Variants in B3GLCT observed in about 807,000 individuals in gnomAD.
B3GLCT encodes the protein beta-1,3-glucosyltransferase.
A neutral mutation model predicts 63.4 loss-of-function variants in B3GLCT; 65 were observed. The ratio of observed to expected loss-of-function variants is 1.03; its 90% CI spans 0.84 to 1.26. The LOEUF is 1.26. B3GLCT is among the 50% of genes most tolerant of loss of function. The pLI, the probability that B3GLCT is intolerant of heterozygous loss-of-function variation, is 0.00. For synonymous variants in B3GLCT, 233 were observed against 219.2 expected, an observed-to-expected ratio of 1.06 and a Z score of -0.55; for missense variants, 577 against 604.8, an observed-to-expected ratio of 0.95 and a Z score of 0.48.
At chr13:31,260,838 C>CT (rs1206130762) in intron 6 of B3GLCT, 108 bp from the exon 7 acceptor site, 6 of 1,054,090 alleles carry the variant, frequency 5.7e-6, no homozygotes, top group Non-Finnish European at 7.2e-6. Flanking sequence ...GCTAATAACT[C>CT]TTTATCACCC....
intron 14 of B3GLCT, among the ~76,000 whole-genome samples, chr13:31,324,700 A>G (rs543496985): frequency 7.2e-5 from 11 of 152,270 alleles, no homozygotes; most frequent in Admixed American, 4.6e-4. Flanking sequence ...TATTGAAAAT[A>G]CTTTTTTTAT....
At chr13:31,299,026 A>G (rs1251642204) in intron 12 of B3GLCT, among the ~76,000 whole-genome samples, 1 of 152,214 alleles carries the variant, frequency 6.6e-6, no homozygotes, top group Non-Finnish European at 1.5e-5. Flanking sequence ...GATCTGATTT[A>G]GGGAAGAAAG....
At position 31,323,734 on chromosome 13, in the gene B3GLCT, G is replaced by C; in HGVS notation, c.1185-17G>C. The C allele has an allele frequency of 5.0e-6, 8 of 1,613,984 alleles. No homozygotes were observed. Among genetic ancestry groups the C allele is most frequent in the Non-Finnish European group, 6.8e-6 (8 of 1,179,972 alleles). On this transcript the variant is annotated splice_polypyrimidine_tract_variant and intron_variant, in intron 13 of 14. Transcript: ENST00000343307. ...TGGAGCTTCTCTAACCCCTTTCTCT[G>C]CTCTGGCTCCCACTAGAATGGTCTT...
intron 8 of B3GLCT, among the ~76,000 whole-genome samples, chr13:31,272,995 CTTTG>C (rs1289646825): frequency 1.3e-5 from 2 of 152,080 alleles, no homozygotes; most frequent in African/African-American, 4.8e-5. Flanking sequence ...TTTATTTCAA[CTTTG>C]TTTTTGAAGC....
At chr13:31,251,151 A>T (rs553764082) in intron 6 of B3GLCT, among the ~76,000 whole-genome samples, 2 of 152,098 alleles carry the variant, frequency 1.3e-5, no homozygotes, top group East Asian at 3.9e-4. Flanking sequence ...ACTAATAAAC[A>T]GAAAGGAATA....
At chr13:31,243,796 A>G (rs1428870650) in intron 4 of B3GLCT, among the ~76,000 whole-genome samples, 1 of 152,268 alleles carries the variant, frequency 6.6e-6, no homozygotes, top group African/African-American at 2.4e-5. Flanking sequence ...CCTGTCTTCA[A>G]AGTGATTATG....
chr13:31,215,338 C>T (rs189262144), intron 2 of B3GLCT, among the ~76,000 whole-genome samples: 125 of 152,226 alleles, frequency 8.2e-4, no homozygotes, highest in Non-Finnish European at 1.5e-3. Context: ...TGAGAAAAAA[C>T]GTGTTTTGAC....
At chr13:31,319,109 C>A (rs115849379) in intron 13 of B3GLCT, among the ~76,000 whole-genome samples, 1 of 152,188 alleles carries the variant, frequency 6.6e-6, no homozygotes, top group African/African-American at 2.4e-5. Flanking sequence ...CCCTTCCCCA[C>A]AGGACCTCAC....
rs749843756 is a variant in B3GLCT at position 31,323,823 on chromosome 13, C to T, written c.1257C>T (p.Pro419=). 15 of 1,614,136 alleles carry T rather than the reference C, an allele frequency of 9.3e-6. No homozygotes were observed. Among genetic ancestry groups the T allele is most frequent in the East Asian group, 8.9e-5 (4 of 44,880 alleles). Residue 419 remains proline, a synonymous_variant, in exon 14 of 15, where the codon CCC becomes CCT. Coordinates refer to ENST00000343307, the MANE Select transcript of B3GLCT (RefSeq NM_194318.4). ...SKCRCYSNDA[P]DDMVLGMCFS... ...GTCGATGCTACAGCAATGATGCTCC[C>T]GATGATATGGTCCTGGGAATGTGCT...
chr13:31,270,514 G>A (rs1214668749), intron 8 of B3GLCT, among the ~76,000 whole-genome samples: 3 of 152,140 alleles, frequency 2.0e-5, no homozygotes, highest in Non-Finnish European at 4.4e-5. Flanking sequence ...ACTAAACATT[G>A]AATATATACA....
Position 31,331,576 on chromosome 13 carries a change from G to C in B3GLCT, c.*1908G>C, listed in dbSNP as rs540942036. Reference sequence around the variant, plus strand: ...TTAGTCTAGACTGGGAATGGGGAGGGGAAATGGGGAAAATGAATGAATGAA... The same window carrying C: ...TTAGTCTAGACTGGGAATGGGGAGGCGAAATGGGGAAAATGAATGAATGAA... On this transcript the variant is annotated 3_prime_UTR_variant, in exon 15 of 15. Coordinates refer to ENST00000343307, the MANE Select transcript of B3GLCT (RefSeq NM_194318.4). The C allele has an allele frequency of 6.6e-6, 1 of 150,782 alleles. No individual in the cohort carries two copies. Among genetic ancestry groups the C allele is most frequent in the Admixed American group, 6.6e-5 (1 of 15,090 alleles). The allele number at this position is 150,782 out of a possible 1,614,324, so 9.3% of individuals were successfully genotyped here.
At chr13:31,312,317 G>A (rs1874754629) in intron 12 of B3GLCT, 1 of 152,188 alleles carries the variant, frequency 6.6e-6, no homozygotes, top group African/African-American at 2.4e-5. Flanking sequence ...GTCTTTTTCT[G>A]AGATAAAGTT....
intron 7 of B3GLCT, among the ~76,000 whole-genome samples, chr13:31,268,349 T>C (rs1038064084): frequency 2.0e-5 from 3 of 152,276 alleles, no homozygotes; most frequent in South Asian, 2.1e-4. Flanking sequence ...GAGTGCTCAC[T>C]GTGGTCAGGT....
At chr13:31,247,149 C>T (rs759565170) in intron 5 of B3GLCT, 50 bp downstream of exon 5, 2 of 1,362,854 alleles carry the variant, frequency 1.5e-6, no homozygotes, top group Non-Finnish European at 2.1e-6. Context: ...TACCTGAACA[C>T]TTTTACGCCC....
intron 12 of B3GLCT, among the ~76,000 whole-genome samples, chr13:31,291,606 C>T (rs551509068): frequency 3.3e-5 from 5 of 152,096 alleles, no homozygotes; most frequent in South Asian, 2.1e-4. Flanking sequence ...GCAGTTCACT[C>T]GTGATTTGCT....
At chr13:31,224,797 C>T (rs1017490630) in intron 3 of B3GLCT, among the ~76,000 whole-genome samples, 1 of 152,102 alleles carries the variant, frequency 6.6e-6, no homozygotes, top group Non-Finnish European at 1.5e-5. Flanking sequence ...CTTGTTACAG[C>T]TTATATCAGA....
intron 4 of B3GLCT, among the ~76,000 whole-genome samples, chr13:31,240,273 C>G (rs762659491): frequency 5.3e-5 from 8 of 152,160 alleles, no homozygotes; most frequent in Non-Finnish European, 1.2e-4. Flanking sequence ...CCTCTATACT[C>G]TCTCCACCTG....
At chr13:31,289,310 C>T (rs1176356089) in intron 12 of B3GLCT, among the ~76,000 whole-genome samples, 1 of 152,020 alleles carries the variant, frequency 6.6e-6, no homozygotes, top group Non-Finnish European at 1.5e-5. Flanking sequence ...AGATCAAAAA[C>T]TTTAGAAATC....
intron 9 of B3GLCT, among the ~76,000 whole-genome samples, chr13:31,274,928 C>T (rs573086114): frequency 6.6e-6 from 1 of 152,212 alleles, no homozygotes; most frequent in African/African-American, 2.4e-5. Context: ...TGTTTAGCTT[C>T]CACTTATAAG....
Sources: gnomAD v4.1 joint callset for allele counts (sites outside exome capture counted in the v4.1 genomes callset) on GRCh38, gnomAD v4.1.1 for gene constraint, MANE v1.5 for transcripts, NCBI Gene and HGNC (gene_info 2026-07-23, HGNC 2026-07-21) for gene names.